The following NR5A2 variants were observed in gnomAD, a reference collection of about 807,000 sequenced individuals.
NR5A2 encodes the protein nuclear receptor subfamily 5 group A member 2, also known as CYP7A promoter-binding factor.
NR5A2 carries 26 observed loss-of-function variants against 62.7 expected under a neutral mutation model. The ratio of observed to expected loss-of-function variants is 0.41; its 90% CI spans 0.30 to 0.58. The LOEUF (loss-of-function observed/expected upper bound fraction) is 0.58, where lower values mean the gene tolerates loss of function less well. NR5A2 is among the 20% of genes least tolerant of loss of function. The pLI, the probability that NR5A2 is intolerant of heterozygous loss-of-function variation, is 0.22. For missense variants in NR5A2, 541 were observed against 669.1 expected, an observed-to-expected ratio of 0.81 and a Z score of 2.11; for synonymous variants, 246 against 241.7, an observed-to-expected ratio of 1.02 and a Z score of -0.16.
At chr1:200,155,667 T>A (rs1653341181) in intron 7 of NR5A2, among the ~76,000 whole-genome samples, 1 of 151,936 alleles carries the variant, frequency 6.6e-6, no homozygotes, top group Non-Finnish European at 1.5e-5. Context: ...AATCCACAGA[T>A]AATAATAAAA....
At chr1:200,145,533 A>G (rs1365024825) in intron 7 of NR5A2, among the ~76,000 whole-genome samples, 1 of 151,644 alleles carries the variant, frequency 6.6e-6, no homozygotes, top group Non-Finnish European at 1.5e-5. Context: ...GTGACTCAAC[A>G]TTTAAAATCA....
At chr1:200,158,329 G>A (rs1313461513) in intron 7 of NR5A2, among the ~76,000 whole-genome samples, 1 of 152,198 alleles carries the variant, frequency 6.6e-6, no homozygotes, top group African/African-American at 2.4e-5. Flanking sequence ...CCTGCCAAAG[G>A]TGTTGGCGGG....
intron 5 of NR5A2, among the ~76,000 whole-genome samples, chr1:200,100,475 T>C (rs1558138245): frequency 2.0e-5 from 3 of 152,174 alleles, no homozygotes. Context: ...GTCTCTGAGC[T>C]CCAAAGCTAT....
chr1:200,108,717 C>G (rs1252434273), intron 5 of NR5A2, among the ~76,000 whole-genome samples: 1 of 152,168 alleles, frequency 6.6e-6, no homozygotes, highest in African/African-American at 2.4e-5. Flanking sequence ...AAATTACCAT[C>G]ATAGACTAAT....
intron 5 of NR5A2, among the ~76,000 whole-genome samples, chr1:200,096,338 T>A (rs1318209104): frequency 6.6e-6 from 1 of 152,150 alleles, no homozygotes; most frequent in African/African-American, 2.4e-5. Flanking sequence ...TCTACCTATG[T>A]CAGCCTCCCA....
At chr1:200,084,006 T>A (rs1289641581) in intron 5 of NR5A2, among the ~76,000 whole-genome samples, 2 of 139,964 alleles carry the variant, frequency 1.4e-5, no homozygotes, top group East Asian at 4.1e-4. Flanking sequence ...ATAATAATAA[T>A]AAAGTACAGT....
intron 7 of NR5A2, among the ~76,000 whole-genome samples, chr1:200,161,974 G>A (rs1653663391): frequency 6.6e-6 from 1 of 152,178 alleles, no homozygotes; most frequent in African/African-American, 2.4e-5. Flanking sequence ...AGCAGGAGAG[G>A]CAAGGCATAA....
At chr1:200,083,967 A>AAATAATAATAATAATAAT (rs149200240) in intron 5 of NR5A2, among the ~76,000 whole-genome samples, 2 of 142,724 alleles carry the variant, frequency 1.4e-5, no homozygotes, top group African/African-American at 5.1e-5. Context: ...CTCCATCTCA[A>AAATAATAATAATAATAAT]AATAATAATA....
At chr1:200,164,970 G>A (rs1469830039) in intron 7 of NR5A2, among the ~76,000 whole-genome samples, 7 of 143,626 alleles carry the variant, frequency 4.9e-5, no homozygotes, top group African/African-American at 7.8e-5. Context: ...TCCAACTCCC[G>A]GATTCAAGTG....
In NR5A2 at chr1:200,174,274, G is replaced by T; in HGVS notation, c.*64G>T. ...AGATTGGGGGAGTGGGGAGGGGGAA[G>T]AAGAACAGGAAGAAAAAAAGTACTC... is the stretch of plus-strand genomic sequence containing the variant. On this transcript the variant is annotated 3_prime_UTR_variant, in exon 8 of 8. Transcript: ENST00000367362. 2 of 1,447,452 alleles carry T rather than the reference G, an allele frequency of 1.4e-6. No individual in the cohort carries two copies. The highest frequency in any genetic ancestry group is 1.7e-5 in the South Asian group (1 of 60,008). 89.7% of individuals were successfully genotyped at this position (1,447,452 alleles called of 1,614,324 possible). A position where few individuals can be genotyped will look rare whatever the true frequency, so the allele number is the denominator to read the frequency against.
At chr1:200,112,209 T>G (rs1205599476) in intron 6 of NR5A2, among the ~76,000 whole-genome samples, 2 of 152,186 alleles carry the variant, frequency 1.3e-5, no homozygotes, top group Non-Finnish European at 2.9e-5. Flanking sequence ...AAATGTAACA[T>G]TTGAGCAAAG....
chr1:200,037,146 C>T (rs1315636119), intron 1 of NR5A2, among the ~76,000 whole-genome samples: 1 of 152,168 alleles, frequency 6.6e-6, no homozygotes, highest in African/African-American at 2.4e-5. Flanking sequence ...CAAGTCCCTT[C>T]TGGCCCTGGC....
chr1:200,038,703 C>G lies in NR5A2; in HGVS notation c.65-955C>G, dbSNP rs562271901. On this transcript the variant is annotated intron_variant, in intron 1 of 7. Coordinates refer to ENST00000367362, the MANE Select transcript of NR5A2 (RefSeq NM_205860.3). ...CCCTTCTTCTTGCTTCCCCTCAGAT[C>G]GAGGAAATTGCCGCTCTGGCTGCTT... is the stretch of plus-strand genomic sequence containing the variant. 3.7e-6 allele frequency: 5 copies of G among 1,366,256 alleles called. No homozygotes were observed. The African/African-American group carries it at 4.4e-5, about 12-fold the overall frequency. The allele number at this position is 1,366,256 out of a possible 1,614,324, so 84.6% of individuals were successfully genotyped here.
At chr1:200,163,466 GAC>G (rs1241435545) in intron 7 of NR5A2, among the ~76,000 whole-genome samples, 1 of 151,256 alleles carries the variant, frequency 6.6e-6, no homozygotes, top group Admixed American at 6.6e-5. Context: ...TAGTGGGGGT[GAC>G]GGGCAATTTT....
intron 5 of NR5A2, among the ~76,000 whole-genome samples, chr1:200,053,551 C>T (rs1662756163): frequency 3.2e-5 from 4 of 124,788 alleles, no homozygotes; most frequent in Non-Finnish European, 7.1e-5. Flanking sequence ...ATTCCCTCAT[C>T]CCCCCCAGCA....
intron 1 of NR5A2, among the ~76,000 whole-genome samples, chr1:200,033,579 C>A (rs1464226337): frequency 6.6e-6 from 1 of 152,156 alleles, no homozygotes; most frequent in East Asian, 1.9e-4. Context: ...GCGGCCTCTA[C>A]AGGAATGGAA....
At chr1:200,113,596 C>A (rs1451206592) in intron 6 of NR5A2, among the ~76,000 whole-genome samples, 1 of 152,120 alleles carries the variant, frequency 6.6e-6, no homozygotes, top group Non-Finnish European at 1.5e-5. Context: ...CCTCACAGTA[C>A]CTAGCACAAA....
intron 5 of NR5A2, among the ~76,000 whole-genome samples, chr1:200,085,431 T>G (rs1269662316): frequency 6.6e-6 from 1 of 152,136 alleles, no homozygotes; most frequent in African/African-American, 2.4e-5. Flanking sequence ...CCTCCTGATG[T>G]GGAAATTAGG....
At chr1:200,043,040 C>G (rs1662191107) in intron 2 of NR5A2, 2 of 972,348 alleles carry the variant, frequency 2.1e-6, no homozygotes, top group African/African-American at 3.5e-5. Context: ...AAACCAAAAC[C>G]CTTCTGTGTG....
Sources: gnomAD v4.1 joint callset for allele counts (sites outside exome capture counted in the v4.1 genomes callset) on GRCh38, gnomAD v4.1.1 for gene constraint, MANE v1.5 for transcripts, NCBI Gene and HGNC (gene_info 2026-07-23, HGNC 2026-07-21) for gene names.